The following CCDC3 variants were observed in gnomAD, a reference collection of about 807,000 sequenced individuals.
CCDC3 encodes the protein coiled-coil domain-containing protein 3.
CCDC3 carries 24 observed loss-of-function variants against 21.4 expected under a neutral mutation model. The ratio of observed to expected loss-of-function variants is 1.12; its 90% CI spans 0.81 to 1.58. The LOEUF (loss-of-function observed/expected upper bound fraction) is 1.58, where lower values mean the gene tolerates loss of function less well. Ranked by LOEUF, CCDC3 falls within the 40% of genes most tolerant of loss-of-function variation. The pLI is 0.00. For missense variants in CCDC3, 425 were observed against 360.9 expected (o/e 1.18, Z -1.44); for synonymous variants, 186 against 166.0 (o/e 1.12, Z -0.93).
chr10:12,948,793 CCT>C (rs1564295160), intron 2 of CCDC3, among the ~76,000 whole-genome samples: 4 of 121,584 alleles, frequency 3.3e-5, no homozygotes, highest in African/African-American at 1.3e-4. Context: ...ACTGCAGTGG[CCT>C]ATCTCGGCTC....
intron 5 of CCDC3, among the ~76,000 whole-genome samples, chr10:13,048,254 C>G (rs576480843): frequency 6.6e-6 from 1 of 152,018 alleles, no homozygotes; most frequent in Non-Finnish European, 1.5e-5. Flanking sequence ...TGCAGTGGCG[C>G]GATCTCAGCT....
At chr10:13,054,418 C>T (rs1316407149) in intron 4 of CCDC3, among the ~76,000 whole-genome samples, 2 of 151,726 alleles carry the variant, frequency 1.3e-5, no homozygotes, top group Non-Finnish European at 2.9e-5. Flanking sequence ...TTTTTTTGTC[C>T]CCCACTCAGT....
upstream of CCDC3, among the ~76,000 whole-genome samples, chr10:13,002,908 T>C (rs531510045): frequency 1.3e-5 from 2 of 152,340 alleles, no homozygotes; most frequent in South Asian, 4.1e-4. Context: ...CTGTGTGTGA[T>C]GGAGAAAGAG....
intron 2 of CCDC3, among the ~76,000 whole-genome samples, chr10:12,981,360 T>C (rs1309042448): frequency 6.6e-6 from 1 of 151,898 alleles, no homozygotes; most frequent in East Asian, 1.9e-4. Context: ...TTGTATTGTA[T>C]TTTTAGTGGA....
At chr10:12,930,735 T>C (rs936553560) in intron 2 of CCDC3, among the ~76,000 whole-genome samples, 3 of 152,162 alleles carry the variant, frequency 2.0e-5, no homozygotes, top group African/African-American at 7.2e-5. Context: ...CCAAAGATGC[T>C]ACTAACCATC....
At chr10:12,985,050 G>A (rs1209769398) in intron 2 of CCDC3, among the ~76,000 whole-genome samples, 3 of 152,054 alleles carry the variant, frequency 2.0e-5, no homozygotes, top group Non-Finnish European at 2.9e-5. Context: ...AACTGTTTAC[G>A]CTATTCATAG....
chr10:12,920,398 C>G, intron 2 of CCDC3, among the ~76,000 whole-genome samples: 1 of 152,138 alleles, frequency 6.6e-6, no homozygotes, highest in Non-Finnish European at 1.5e-5. Flanking sequence ...GGGGACAGAG[C>G]CAAACCACAT....
At chr10:13,065,191 C>A (rs1189980765) in intron 4 of CCDC3, among the ~76,000 whole-genome samples, 1 of 152,118 alleles carries the variant, frequency 6.6e-6, no homozygotes, top group Admixed American at 6.5e-5. Context: ...ATTAGATTAA[C>A]CTGCCTCTCT....
intron 2 of CCDC3, among the ~76,000 whole-genome samples, chr10:12,929,188 G>A (rs1233584935): frequency 6.7e-6 from 1 of 150,370 alleles, no homozygotes; most frequent in East Asian, 2.0e-4. Context: ...CTTGAACCCA[G>A]GGGGTGGAGG....
intron 5 of CCDC3, among the ~76,000 whole-genome samples, chr10:13,038,987 C>G (rs1836414839): frequency 6.6e-6 from 1 of 152,160 alleles, no homozygotes; most frequent in Admixed American, 6.6e-5. Flanking sequence ...ACAGGGGTCC[C>G]TGGAGTAGAT....
intron 2 of CCDC3, among the ~76,000 whole-genome samples, chr10:12,936,939 T>TA (rs1564290404): frequency 6.6e-6 from 1 of 152,028 alleles, no homozygotes; most frequent in African/African-American, 2.4e-5. Flanking sequence ...ACTAAAGAAA[T>TA]AAAAAACACA....
chr10:13,051,050 C>T (rs1836600172), intron 4 of CCDC3, among the ~76,000 whole-genome samples: 1 of 152,170 alleles, frequency 6.6e-6, no homozygotes, highest in Non-Finnish European at 1.5e-5. Flanking sequence ...CTTAGCCACT[C>T]AAAGTGTTGG....
At chr10:12,977,310 G>GGAAAGGAAAGGAAGAAAAAGAAAA (rs1297641297) in intron 2 of CCDC3, among the ~76,000 whole-genome samples, 1 of 151,496 alleles carries the variant, frequency 6.6e-6, no homozygotes, top group Non-Finnish European at 1.5e-5. Context: ...AAAGGGGAAA[G>GGAAAGGAAAGGAAGAAAAAGAAAA]GAAAGGAAAG....
At chr10:12,953,578 C>T (rs1353655913) in intron 2 of CCDC3, among the ~76,000 whole-genome samples, 2 of 152,216 alleles carry the variant, frequency 1.3e-5, no homozygotes, top group East Asian at 3.8e-4. Flanking sequence ...ACTGCTCAGA[C>T]ACACACTGTT....
At chr10:13,042,841 G>A (rs1588402537) in intron 5 of CCDC3, among the ~76,000 whole-genome samples, 1 of 150,240 alleles carries the variant, frequency 6.7e-6, no homozygotes, top group Non-Finnish European at 1.5e-5. Context: ...CCTGGGAGGT[G>A]GAGCTTGCAG....
chr10:13,058,205 T>G (rs769993498), intron 4 of CCDC3: 39 of 1,253,138 alleles, frequency 3.1e-5, no homozygotes, highest in Non-Finnish European at 4.2e-5. Flanking sequence ...GCCAAAAACT[T>G]GATTGCCAGC....
intron 2 of CCDC3, among the ~76,000 whole-genome samples, chr10:12,936,687 T>A (rs993889132): frequency 2.0e-5 from 3 of 152,182 alleles, no homozygotes; most frequent in Non-Finnish European, 4.4e-5. Context: ...TCCCAGTGCT[T>A]TGGGAGAAGC....
rs561577462 is a variant in CCDC3 at position 12,930,411 on chromosome 10, C to T, written c.550-31732G>A. Among the ~76,000 whole-genome samples the T allele has an allele frequency of 2.0e-5, 3 of 152,314 alleles. 1 individual carries two copies. The South Asian group carries it at 6.2e-4, about 32-fold the overall frequency. On this transcript the variant is annotated intron_variant, in intron 2 of 2. Coordinates refer to ENST00000378825, the MANE Select transcript of CCDC3 (RefSeq NM_031455.4). ...CTCATTCTGAACAATGGAAAACATT[C>T]TTTTCCCATGCTTGGAATAAGAGTT...
intron 2 of CCDC3, among the ~76,000 whole-genome samples, chr10:12,952,155 C>T (rs1456384325): frequency 2.0e-5 from 3 of 152,192 alleles, no homozygotes; most frequent in Admixed American, 2.0e-4. Context: ...TCATGTGGTT[C>T]TCCCCAGACC....
Sources: gnomAD v4.1 joint callset for allele counts (sites outside exome capture counted in the v4.1 genomes callset) on GRCh38, gnomAD v4.1.1 for gene constraint, MANE v1.5 for transcripts, NCBI Gene and HGNC (gene_info 2026-07-23, HGNC 2026-07-21) for gene names.